DST: variants seen among roughly 807,000 people sequenced by gnomAD.
DST encodes the protein bullous pemphigoid antigen.
Under a neutral mutation model 875.2 loss-of-function variants are expected in DST, and 253 were observed. That is an observed-to-expected ratio of 0.29 (90% confidence interval 0.26 to 0.32). The LOEUF (loss-of-function observed/expected upper bound fraction) is 0.32. Among genes scored for constraint, DST ranks in the 10% least tolerant of loss-of-function variants. The pLI is 1.00. For synonymous variants in DST, 3,124 were observed against 3,197.1 expected (o/e 0.98, Z 0.77); for missense variants, 8,287 against 9,111.6 (o/e 0.91, Z 3.68).
intron 3 of DST, among the ~76,000 whole-genome samples, chr6:56,862,495 G>A (rs1330787735): frequency 6.6e-6 from 1 of 152,088 alleles, no homozygotes; most frequent in African/African-American, 2.4e-5. Context: ...GAAAGCAGGT[G>A]GTGGATGAAG....
intron 71 of DST, among the ~76,000 whole-genome samples, chr6:56,516,439 T>C (rs1161259059): frequency 6.6e-6 from 1 of 152,140 alleles, no homozygotes; most frequent in Non-Finnish European, 1.5e-5. Flanking sequence ...AACAAGCAAA[T>C]TGCCATTGTA....
intron 90 of DST, among the ~76,000 whole-genome samples, chr6:56,480,544 C>A (rs1247437827): frequency 6.6e-6 from 1 of 152,076 alleles, no homozygotes; most frequent in African/African-American, 2.4e-5. Flanking sequence ...GTCTCCAGTT[C>A]TGGTGTTAAG....
intron 29 of DST, 125 bp from the exon 30 acceptor site, chr6:56,631,514 G>A (rs1223236947): frequency 1.3e-6 from 1 of 793,704 alleles, no homozygotes; most frequent in African/African-American, 1.7e-5. Flanking sequence ...CATATTCTTT[G>A]TTTGTTATCA....
intron 4 of DST, chr6:56,843,476 G>A (rs1008028125): frequency 1.1e-5 from 11 of 995,774 alleles, no homozygotes; most frequent in East Asian, 1.0e-4. Context: ...GAGGAGCGGG[G>A]CGTGCGGCGA....
intron 4 of DST, among the ~76,000 whole-genome samples, chr6:56,816,735 T>G (rs2099767004): frequency 6.6e-6 from 1 of 152,114 alleles, no homozygotes; most frequent in Non-Finnish European, 1.5e-5. Flanking sequence ...GTCGGGTTGG[T>G]CTATGTTTCC....
At chr6:56,779,610 C>T (rs1001032901) in intron 4 of DST, among the ~76,000 whole-genome samples, 1 of 151,856 alleles carries the variant, frequency 6.6e-6, no homozygotes, top group African/African-American at 2.4e-5. Flanking sequence ...TATAGCTAGC[C>T]AGTTTTCCCA....
intron 4 of DST, among the ~76,000 whole-genome samples, chr6:56,764,101 A>ACACACG (rs1368390701): frequency 3.5e-5 from 5 of 144,680 alleles, no homozygotes; most frequent in Non-Finnish European, 5.9e-5. Context: ...GCACATGCAC[A>ACACACG]CACACACACA....
At chr6:56,667,954 T>G (rs114494003) in intron 10 of DST, among the ~76,000 whole-genome samples, 1,627 of 152,074 alleles carry the variant, frequency 0.011, 25 homozygotes, top group African/African-American at 0.037. Flanking sequence ...TTTTTAGAGA[T>G]GGGGTCTTGC....
chr6:56,620,100 T>C lies in DST; in HGVS notation c.4929+4430A>G, dbSNP rs747970656. 3.7e-6 allele frequency: 6 copies of C among 1,613,718 alleles called. No individual in the cohort carries two copies. In the South Asian group the frequency reaches 6.6e-5, roughly 18 times the overall value. ...CTTGCTTCCAATTCAATTTTCTGCTTTTCTTTCAACTGTTTCTCTGCTACC... is the reference window on the plus strand; with the variant it reads ...CTTGCTTCCAATTCAATTTTCTGCTCTTCTTTCAACTGTTTCTCTGCTACC... On this transcript the variant is annotated intron_variant, in intron 36 of 103. Transcript: ENST00000680361.
chr6:56,505,530 T>C (rs1372181592), intron 77 of DST, among the ~76,000 whole-genome samples: 1 of 151,856 alleles, frequency 6.6e-6, no homozygotes, highest in Non-Finnish European at 1.5e-5. Context: ...GTGTTATTTG[T>C]AGTAAAATCT....
At chr6:56,704,647 T>C (rs2099325860) in intron 5 of DST, among the ~76,000 whole-genome samples, 1 of 152,182 alleles carries the variant, frequency 6.6e-6, no homozygotes, top group African/African-American at 2.4e-5. Flanking sequence ...GGGGTTACAA[T>C]TCTTCAAATA....
Position 56,604,490 on chromosome 6 carries a change from C to T in DST, c.10138G>A (p.Ala3380Thr), listed in dbSNP as rs2098476464. Reference protein sequence around the residue: ...PQEVEEPSACADTKILIQNLI... With the variant: ...PQEVEEPSACTDTKILIQNLI... The stretch of plus-strand genomic sequence containing the variant: ...TTTTGAATTAAAATTTTAGTGTCTG[C>T]ACAGGCTGAAGGTTCTTCAACCTCT... Residue 3380 changes from alanine to threonine, a missense_variant, in exon 40 of 104, where the codon GCA becomes ACA. This residue lies in a region of DST where 3,138 missense variants were observed against 3,116.6 expected (regional missense o/e 1.01). Transcript: ENST00000680361. 1 of 1,612,352 alleles carries T rather than the reference C, an allele frequency of 6.2e-7. No homozygotes were observed. The highest frequency in any genetic ancestry group is 8.5e-7 in the Non-Finnish European group (1 of 1,179,048).
chr6:56,900,339 G>C, intron 3 of DST, 82 bp downstream of exon 3: 1 of 1,145,150 alleles, frequency 8.7e-7, no homozygotes, highest in Non-Finnish European at 1.2e-6. Context: ...AAGTTAATCT[G>C]ATAATGTTTT....
Position 56,943,510 on chromosome 6 carries a change from G to A in DST, c.216+10275C>T, listed in dbSNP as rs536577315. Among the ~76,000 whole-genome samples the A allele has an allele frequency of 7.4e-5, 11 of 149,436 alleles. No homozygotes were observed. The South Asian group carries it at 1.9e-3, about 26-fold the overall frequency. Reference sequence around the variant, plus strand: ...TGGCACGATCTCAGCTCAGCTCACCGTAACCTCCACCTCCCAGGCTCAAGT... The same window carrying A: ...TGGCACGATCTCAGCTCAGCTCACCATAACCTCCACCTCCCAGGCTCAAGT... On this transcript the variant is annotated intron_variant, in intron 2 of 103. Coordinates refer to ENST00000680361, the MANE Select transcript of DST (RefSeq NM_001374736.1).
chr6:56,651,648 C>A (rs940335445), intron 10 of DST, among the ~76,000 whole-genome samples: 1 of 152,142 alleles, frequency 6.6e-6, no homozygotes, highest in African/African-American at 2.4e-5. Context: ...TCCATGGCCT[C>A]CCCATTGCAC....
At chr6:56,803,346 C>T (rs1360054635) in intron 4 of DST, among the ~76,000 whole-genome samples, 1 of 152,100 alleles carries the variant, frequency 6.6e-6, no homozygotes, top group Non-Finnish European at 1.5e-5. Flanking sequence ...AGTTTTCCAT[C>T]GGCGTTGTTT....
chr6:56,952,433 T>A (rs1169632106), intron 2 of DST, among the ~76,000 whole-genome samples: 2 of 152,226 alleles, frequency 1.3e-5, no homozygotes, highest in Non-Finnish European at 2.9e-5. Context: ...TCTCATCACA[T>A]CTGAATGGGC....
At chr6:56,744,378 C>CAA (rs35008377) in intron 4 of DST, among the ~76,000 whole-genome samples, 5,666 of 132,706 alleles carry the variant, frequency 0.043, 332 homozygotes, top group African/African-American at 0.14. Flanking sequence ...GGCTGTATCT[C>CAA]AAAAAAAAAA....
intron 64 of DST, among the ~76,000 whole-genome samples, chr6:56,530,541 A>G (rs1440541812): frequency 3.3e-5 from 5 of 152,210 alleles, no homozygotes; most frequent in African/African-American, 4.8e-5. Context: ...ACAGTTACTG[A>G]GATTGCTCTT....
Sources: allele counts gnomAD v4.1 joint callset (sites outside exome capture counted in the v4.1 genomes callset), GRCh38; gene constraint gnomAD v4.1.1; regional missense constraint gnomAD v4.1.1; transcripts MANE v1.5; gene names NCBI Gene and HGNC (gene_info 2026-07-23, HGNC 2026-07-21).